The following AUTS2 variants were observed in gnomAD, a reference collection of about 807,000 sequenced individuals.
AUTS2 encodes the protein activator of transcription and developmental regulator AUTS2, also known as autism susceptibility gene 2 protein.
In AUTS2, 17 loss-of-function variants were observed where a neutral mutation model predicts 112.4. The ratio of observed to expected loss-of-function variants is 0.15; its 90% CI spans 0.10 to 0.23. The LOEUF (loss-of-function observed/expected upper bound fraction) is 0.23, where lower values mean the gene tolerates loss of function less well. AUTS2 is among the 10% of genes least tolerant of loss of function. The pLI is 1.00. For missense variants in AUTS2, 1,510 were observed against 1,701.6 expected (o/e 0.89, Z 1.98); for synonymous variants, 751 against 702.7 (o/e 1.07, Z -1.09).
intron 2 of AUTS2, among the ~76,000 whole-genome samples, chr7:70,044,965 G>A (rs944958442): frequency 2.0e-5 from 3 of 148,274 alleles, no homozygotes; most frequent in South Asian, 2.1e-4. Context: ...TCTTTTTTTC[G>A]AACCTTATGT....
At chr7:69,819,623 G>A (rs920618817) in intron 1 of AUTS2, among the ~76,000 whole-genome samples, 7 of 152,178 alleles carry the variant, frequency 4.6e-5, no homozygotes, top group African/African-American at 9.7e-5. Flanking sequence ...GTGCCAAAAC[G>A]GGAATCTTAA....
At chr7:70,210,495 G>A (rs1159390761) in intron 4 of AUTS2, among the ~76,000 whole-genome samples, 1 of 152,148 alleles carries the variant, frequency 6.6e-6, no homozygotes, top group African/African-American at 2.4e-5. Context: ...CTACCCAGTG[G>A]ATTCCATATG....
At chr7:69,976,597 C>T (rs1408784391) in intron 2 of AUTS2, among the ~76,000 whole-genome samples, 1 of 152,182 alleles carries the variant, frequency 6.6e-6, no homozygotes, top group African/African-American at 2.4e-5. Context: ...CATTAGTGCA[C>T]AAGTGTTCTA....
At chr7:69,742,379 T>C (rs913259666) in intron 1 of AUTS2, among the ~76,000 whole-genome samples, 2 of 152,144 alleles carry the variant, frequency 1.3e-5, no homozygotes, top group Non-Finnish European at 2.9e-5. Context: ...TCTTTGAGTC[T>C]TGTAGGTTTG....
intron 4 of AUTS2, among the ~76,000 whole-genome samples, chr7:70,412,755 G>A (rs1165329662): frequency 6.6e-6 from 1 of 152,180 alleles, no homozygotes; most frequent in Non-Finnish European, 1.5e-5. Flanking sequence ...CACTTTGGGA[G>A]GCTGAGGTGG....
intron 2 of AUTS2, among the ~76,000 whole-genome samples, chr7:69,900,433 C>G (rs1794921925): frequency 6.6e-6 from 1 of 152,196 alleles, no homozygotes. Flanking sequence ...GCAGGGAGAT[C>G]TGGGATCAAA....
At chr7:69,894,857 A>G (rs1201499474) in intron 1 of AUTS2, among the ~76,000 whole-genome samples, 1 of 152,192 alleles carries the variant, frequency 6.6e-6, no homozygotes, top group East Asian at 1.9e-4. Context: ...ATGGACTACA[A>G]TCATCTTATT....
intron 4 of AUTS2, among the ~76,000 whole-genome samples, chr7:70,391,104 T>A (rs1793833314): frequency 6.6e-6 from 1 of 152,232 alleles, no homozygotes; most frequent in South Asian, 2.1e-4. Flanking sequence ...CATCCAGTCC[T>A]GTTGTATCTG....
chr7:69,686,784 A>G (rs1797084562), intron 1 of AUTS2, among the ~76,000 whole-genome samples: 1 of 152,190 alleles, frequency 6.6e-6, no homozygotes, highest in Non-Finnish European at 1.5e-5. Flanking sequence ...AAACATTAAG[A>G]ACCACTGGTC....
chr7:70,255,875 G>T (rs1478217639), intron 4 of AUTS2, among the ~76,000 whole-genome samples: 1 of 152,188 alleles, frequency 6.6e-6, no homozygotes, highest in Non-Finnish European at 1.5e-5. Context: ...GTAAGGCCTA[G>T]ATTTATTAAT....
At chr7:70,667,290 A>T (rs1007747860) in intron 5 of AUTS2, among the ~76,000 whole-genome samples, 1 of 152,194 alleles carries the variant, frequency 6.6e-6, no homozygotes, top group African/African-American at 2.4e-5. Context: ...TATAATACAG[A>T]TGTGAGCAAG....
chr7:70,750,483 C>T (rs963323734), intron 6 of AUTS2, among the ~76,000 whole-genome samples: 10 of 151,132 alleles, frequency 6.6e-5, no homozygotes, highest in African/African-American at 2.2e-4. Flanking sequence ...CCACCTCACC[C>T]TCCACCTCCC....
At chr7:70,600,663 A>G (rs1803430609) in intron 5 of AUTS2, among the ~76,000 whole-genome samples, 1 of 152,156 alleles carries the variant, frequency 6.6e-6, no homozygotes, top group Non-Finnish European at 1.5e-5. Flanking sequence ...ATTATCCCCA[A>G]AAGAGATCCC....
chr7:70,377,324 A>C (rs1793135368), intron 4 of AUTS2, among the ~76,000 whole-genome samples: 1 of 85,972 alleles, frequency 1.2e-5, no homozygotes, highest in Admixed American at 1.3e-4. Flanking sequence ...AAACAAATAT[A>C]AATATATATA....
intron 4 of AUTS2, among the ~76,000 whole-genome samples, chr7:70,314,338 A>G (rs145698381): frequency 4.3e-4 from 66 of 152,358 alleles, no homozygotes; most frequent in Non-Finnish European, 8.5e-4. Context: ...GGAGAGGAGT[A>G]ATATCCACCT....
At chr7:69,833,838 C>T (rs962630942) in intron 1 of AUTS2, among the ~76,000 whole-genome samples, 3 of 152,150 alleles carry the variant, frequency 2.0e-5, no homozygotes, top group African/African-American at 7.2e-5. Flanking sequence ...CATTCTACAA[C>T]AATTATGCTA....
At chr7:69,679,511 T>C (rs1796702393) in intron 1 of AUTS2, among the ~76,000 whole-genome samples, 2 of 152,246 alleles carry the variant, frequency 1.3e-5, no homozygotes. Context: ...GTGTTGATTT[T>C]ATGGAAATAA....
At chr7:70,081,081 G>A (rs1401470849) in intron 2 of AUTS2, among the ~76,000 whole-genome samples, 2 of 152,148 alleles carry the variant, frequency 1.3e-5, no homozygotes, top group Non-Finnish European at 2.9e-5. Flanking sequence ...TTCTCTCAGA[G>A]CTTAATCCAT....
At chr7:70,208,011 CAAA>C (rs61267230) in intron 4 of AUTS2, among the ~76,000 whole-genome samples, 1 of 48,050 alleles carries the variant, frequency 2.1e-5, no homozygotes, top group Non-Finnish European at 4.1e-5. Context: ...AACTCCATCT[CAAA>C]AAAAAAAAAA....
Sources: gnomAD v4.1 joint callset for allele counts (sites outside exome capture counted in the v4.1 genomes callset) on GRCh38, gnomAD v4.1.1 for gene constraint, MANE v1.5 for transcripts, NCBI Gene and HGNC (gene_info 2026-07-23, HGNC 2026-07-21) for gene names.